The following FRMD6 variants were observed in gnomAD, a reference collection of about 807,000 sequenced individuals.
FRMD6 encodes the protein FERM domain containing 6, also known as FERM domain-containing protein 6.
In FRMD6, 37 loss-of-function variants were observed where a neutral mutation model predicts 73.2. The ratio of observed to expected loss-of-function variants is 0.51; its 90% confidence interval spans 0.39 to 0.66. The LOEUF (loss-of-function observed/expected upper bound fraction) is 0.66, where lower values mean the gene tolerates loss of function less well. Ranked by LOEUF, FRMD6 falls within the 30% of genes least tolerant of loss-of-function variation. The pLI is 0.00. For synonymous variants in FRMD6, 273 were observed against 282.2 expected (o/e 0.97, Z 0.33); for missense variants, 714 against 780.5 (o/e 0.91, Z 1.02).
rs551346509 is a variant in FRMD6, at chr14:51,544,335, A to G, written c.-209-26013A>G. Among the ~76,000 whole-genome samples, 5 of 152,166 alleles carry G rather than the reference A, an allele frequency of 3.3e-5. No individual in the cohort carries two copies. The South Asian group carries it at 1.0e-3, about 32-fold the overall frequency. ...CTTATGGAGAATTTTTTTCCTTAAT[A>G]CCTTTGGTAAGGGATGCAGGAGTGA... On this transcript the variant is annotated intron_variant, in intron 1 of 14. Coordinates refer to the FRMD6 transcript ENST00000356218.
At chr14:51,602,318 A>G (rs1890071993) in intron 2 of FRMD6, among the ~76,000 whole-genome samples, 1 of 152,174 alleles carries the variant, frequency 6.6e-6, no homozygotes. Flanking sequence ...TGGAAAGAGA[A>G]TTCTCACAAT....
In FRMD6 at chr14:51,689,881, C is replaced by G. The variant is rs1457207088; in HGVS notation, c.45C>G (p.Arg15=). The G allele has an allele frequency of 1.2e-6, 2 of 1,613,682 alleles. No individual in the cohort carries two copies. The highest frequency in any genetic ancestry group is 2.2e-5 in the South Asian group (2 of 91,050). ...ATAACAACAGAGTCATGCAAGACCG[C>G]CGCAGTGTGTGCATTTTCCTTCCCA... The part of the protein sequence containing the change: ...NFHNNRVMQD[R]RSVCIFLPND... The change falls in exon 2 of 14, where the codon CGC becomes CGG. Residue 15 remains arginine, a synonymous_variant. Transcript: ENST00000344768.
At chr14:51,662,220 G>T (rs947072294) in intron 1 of FRMD6, among the ~76,000 whole-genome samples, 1 of 151,912 alleles carries the variant, frequency 6.6e-6, no homozygotes, top group Admixed American at 6.6e-5. Context: ...ATACTATAAT[G>T]GAGTACCACA....
At chr14:51,709,085 C>T (rs1011306568) in intron 7 of FRMD6, among the ~76,000 whole-genome samples, 11 of 152,144 alleles carry the variant, frequency 7.2e-5, no homozygotes, top group African/African-American at 2.7e-4. Flanking sequence ...TCCATAAGTG[C>T]CACTTTGTTG....
chr14:51,573,896 C>G (rs1235829496), intron 2 of FRMD6, among the ~76,000 whole-genome samples: 1 of 152,156 alleles, frequency 6.6e-6, no homozygotes, highest in African/African-American at 2.4e-5. Context: ...ACAATGACAA[C>G]TAGGGATATT....
Position 51,720,406 on chromosome 14 carries a change from C to G in FRMD6, c.1360+16C>G. The G allele has an allele frequency of 6.2e-7, 1 of 1,606,384 alleles. No individual in the cohort carries two copies. Among genetic ancestry groups the G allele is most frequent in the Non-Finnish European group, 8.5e-7 (1 of 1,174,056 alleles). On this transcript the variant is annotated intron_variant, in intron 11 of 13. Transcript: ENST00000344768. ...CAGGACGATGGTAACAGTACTGTCC[C>G]CTCACTGGCTCTCTGTTTAGTCTCC...
At chr14:51,534,231 A>G (rs915707507) in intron 1 of FRMD6, among the ~76,000 whole-genome samples, 2 of 152,258 alleles carry the variant, frequency 1.3e-5, no homozygotes, top group African/African-American at 4.8e-5. Flanking sequence ...CTCGAACCAC[A>G]TGCTTAAACC....
intron 1 of FRMD6, among the ~76,000 whole-genome samples, chr14:51,562,177 G>A (rs976808595): frequency 2.6e-5 from 4 of 152,120 alleles, no homozygotes; most frequent in African/African-American, 4.8e-5. Context: ...TTTCTATCCC[G>A]CCCATCCCTG....
chr14:51,426,992 A>G, the FRMD6 span, among the ~76,000 whole-genome samples: 1 of 152,344 alleles, frequency 6.6e-6, no homozygotes, highest in East Asian at 1.9e-4. Context: ...GGAAAATGGA[A>G]CAGTTACCAA....
At chr14:51,473,637 C>G in the FRMD6 span, among the ~76,000 whole-genome samples, 1 of 152,110 alleles carries the variant, frequency 6.6e-6, no homozygotes, top group Non-Finnish European at 1.5e-5. Context: ...GGACCTGTGC[C>G]CCAGGTTAGG....
the FRMD6 span, among the ~76,000 whole-genome samples, chr14:51,450,356 A>G: frequency 6.6e-6 from 1 of 152,232 alleles, no homozygotes; most frequent in African/African-American, 2.4e-5. Context: ...ACAGAAAACC[A>G]GACCAGAATT....
the FRMD6 span, among the ~76,000 whole-genome samples, chr14:51,464,957 A>G: frequency 6.6e-6 from 1 of 152,220 alleles, no homozygotes; most frequent in African/African-American, 2.4e-5. Context: ...CTAGATCAAC[A>G]ATCTATGAAA....
intron 1 of FRMD6, among the ~76,000 whole-genome samples, chr14:51,504,338 C>T (rs2140226832): frequency 6.6e-6 from 1 of 152,346 alleles, no homozygotes; most frequent in Admixed American, 6.5e-5. Context: ...GACCTGTTTC[C>T]AGCCTGAACG....
the FRMD6 span, among the ~76,000 whole-genome samples, chr14:51,429,338 G>A: frequency 6.6e-6 from 1 of 152,166 alleles, no homozygotes; most frequent in Non-Finnish European, 1.5e-5. Flanking sequence ...TTGTTATGCA[G>A]CAGTAGATAA....
chr14:51,401,157 A>G, the FRMD6 span, among the ~76,000 whole-genome samples: 3,186 of 152,238 alleles, frequency 0.021, 123 homozygotes, highest in African/African-American at 0.073. Flanking sequence ...AACCAACTCC[A>G]TTTTTCTGCA....
At chr14:51,712,341 T>C (rs4901146) in intron 8 of FRMD6, 142 bp from the exon 9 acceptor site, 161,721 of 616,632 alleles carry the variant, frequency 0.26, 22,944 homozygotes, top group African/African-American at 0.4. Context: ...CTTTTAATTA[T>C]TGTCTGTATT....
At chr14:51,557,186 C>T (rs1956566) in intron 1 of FRMD6, among the ~76,000 whole-genome samples, 82,622 of 151,490 alleles carry the variant, frequency 0.55, 22,881 homozygotes, top group African/African-American at 0.63. Flanking sequence ...GAAGCATTAT[C>T]CACAATAGCC....
chr14:51,585,939 G>GTGTGTGTGTGTGTGTATATATATATA, intron 2 of FRMD6, among the ~76,000 whole-genome samples: 3 of 31,418 alleles, frequency 9.5e-5, no homozygotes, highest in Admixed American at 4.2e-4. Flanking sequence ...GTGTGTGTGT[G>GTGTGTGTGTGTGTGTATATATATATA]TATATATATA....
chr14:51,725,834 T>C lies in FRMD6; in HGVS notation c.1548T>C (p.Val516=). Residue 516 remains valine (V), a synonymous_variant, in exon 13 of 14, where the codon GTT becomes GTC. Coordinates refer to ENST00000344768, the MANE Select transcript of FRMD6 (RefSeq NM_001267046.2). ...SSTSSSSETV[V]KLRGQSTDSL... ...CCTCGAGCTCTTCAGAAACAGTTGT[T>C]AAGCTTCGTGGCCAGAGTACTGATT... 6.2e-7 allele frequency: 1 copy of C among 1,613,876 alleles called. No individual in the cohort carries two copies.
Sources: gnomAD v4.1 joint callset for allele counts (sites outside exome capture counted in the v4.1 genomes callset) on GRCh38, gnomAD v4.1.1 for gene constraint, MANE v1.5 for transcripts, NCBI Gene and HGNC (gene_info 2026-07-23, HGNC 2026-07-21) for gene names.